The following PCDHGB6 variants were observed in gnomAD, a reference collection of about 807,000 sequenced individuals.
The protein encoded by PCDHGB6 is protocadherin gamma-B6.
In PCDHGB6, 51 loss-of-function variants were observed where a neutral mutation model predicts 59.1. The observed-to-expected ratio is 0.86, with a 90% CI of 0.69 to 1.09. PCDHGB6 has a LOEUF of 1.09. Ranked by LOEUF, PCDHGB6 falls within the 50% of genes least tolerant of loss-of-function variation. The probability of loss-of-function intolerance (pLI) is 0.00; values close to 1 mark genes in which losing one functional copy is unlikely to be tolerated. For missense variants in PCDHGB6, 1,148 were observed against 1,205.1 expected (o/e 0.95, Z 0.70); for synonymous variants, 466 against 495.1 (o/e 0.94, Z 0.78).
intron 1 of PCDHGB6, among the ~76,000 whole-genome samples, chr5:141,433,553 T>C (rs530467777): frequency 1.3e-5 from 2 of 151,614 alleles, no homozygotes; most frequent in African/African-American, 4.8e-5. Flanking sequence ...TATTCTTTTC[T>C]GGCTGGGCGC....
chr5:141,474,557 G>A (rs1261720500), intron 1 of PCDHGB6, among the ~76,000 whole-genome samples: 1 of 152,184 alleles, frequency 6.6e-6, no homozygotes, highest in African/African-American at 2.4e-5. Context: ...AAAACTGGGG[G>A]TTTTCAGAGA....
intron 1 of PCDHGB6, chr5:141,419,102 A>G (rs201327680): frequency 4.5e-5 from 73 of 1,613,748 alleles, no homozygotes; most frequent in Non-Finnish European, 5.9e-5. Flanking sequence ...TCGGGAGCAG[A>G]CCCCAGAGTA....
At chr5:141,413,462 G>A (rs750915907) in intron 1 of PCDHGB6, 4 of 1,614,120 alleles carry the variant, frequency 2.5e-6, no homozygotes, top group East Asian at 2.2e-5. Flanking sequence ...AGGATAGACC[G>A]GGAGGAGCTC....
chr5:141,454,575 T>G (rs1430018751), intron 1 of PCDHGB6, among the ~76,000 whole-genome samples: 1 of 151,400 alleles, frequency 6.6e-6, no homozygotes, highest in African/African-American at 2.4e-5. Context: ...CCCGGCTAAT[T>G]TTGTATTTTT....
chr5:141,495,424 A>C (rs927637242), intron 2 of PCDHGB6, among the ~76,000 whole-genome samples: 1 of 152,088 alleles, frequency 6.6e-6, no homozygotes, highest in African/African-American at 2.4e-5. Context: ...CCCTCCTCCC[A>C]CTGTCCTCTG....
intron 1 of PCDHGB6, chr5:141,417,592 TG>T: frequency 2.1e-6 from 1 of 485,078 alleles, no homozygotes; most frequent in Non-Finnish European, 3.5e-6. Context: ...ACAGAGCCTC[TG>T]GGCGCCGCCG....
intron 1 of PCDHGB6, among the ~76,000 whole-genome samples, chr5:141,463,316 T>A (rs1290852110): frequency 1.3e-5 from 2 of 151,806 alleles, no homozygotes; most frequent in African/African-American, 2.4e-5. Flanking sequence ...TAATATCTAT[T>A]CCTCAACTCA....
rs763035733 is a variant in PCDHGB6, at chr5:141,409,735, C to T, written c.1533C>T (p.Ser511=). The T allele has an allele frequency of 6.2e-7, 1 of 1,613,006 alleles. No homozygotes were observed. The highest frequency in any genetic ancestry group is 1.7e-5 in the Admixed American group (1 of 59,998). The change falls in exon 1 of 4, where the codon AGC becomes AGT. Residue 511 remains serine (S), a synonymous_variant. Coordinates refer to ENST00000520790, the MANE Select transcript of PCDHGB6 (RefSeq NM_018926.3). Reference sequence around the variant, plus strand: ...CATACGTGTCAGTGAGCGCGCAGAGCGGGGTGGTGTTCGCGCAGCGCGCCT... The same window carrying T: ...CATACGTGTCAGTGAGCGCGCAGAGTGGGGTGGTGTTCGCGCAGCGCGCCT... The part of the protein sequence containing the change: ...VSSYVSVSAQ[S]GVVFAQRAFD...
At chr5:141,419,863 G>C in intron 1 of PCDHGB6, 1 of 1,614,108 alleles carries the variant, frequency 6.2e-7, no homozygotes, top group Non-Finnish European at 8.5e-7. Flanking sequence ...CAGATAGCTT[G>C]CAAGAGGTAC....
chr5:141,445,303 G>A (rs145466142), intron 1 of PCDHGB6, among the ~76,000 whole-genome samples: 327 of 152,332 alleles, frequency 2.1e-3, no homozygotes, highest in African/African-American at 7.6e-3. Context: ...ATTCTCTTCA[G>A]TTTGTAGGTT....
intron 1 of PCDHGB6, chr5:141,419,863 G>T (rs1416582920): frequency 6.2e-7 from 1 of 1,614,108 alleles, no homozygotes; most frequent in Non-Finnish European, 8.5e-7. Flanking sequence ...CAGATAGCTT[G>T]CAAGAGGTAC....
Position 141,469,939 on chromosome 5 carries a change from T to G in PCDHGB6, c.2419-24868T>G, listed in dbSNP as rs1376169822. Among the ~76,000 whole-genome samples, 3 of 152,186 alleles carry G rather than the reference T, an allele frequency of 2.0e-5. No individual in the cohort carries two copies. The East Asian group carries it at 5.8e-4, about 29-fold the overall frequency. On this transcript the variant is annotated intron_variant, in intron 1 of 3. Transcript: ENST00000520790. ...CGAGGTCAGGAGTTTGAGACCAGCC[T>G]GGCCAGCATGGTGAAACCCCATCTG...
intron 1 of PCDHGB6, chr5:141,427,758 A>T: frequency 7.4e-7 from 1 of 1,345,378 alleles, no homozygotes; most frequent in Non-Finnish European, 1.1e-6. Context: ...CATCGTTACC[A>T]CTGACTTGGA....
At chr5:141,415,478 GA>G (rs1209443921) in intron 1 of PCDHGB6, 2 of 1,613,964 alleles carry the variant, frequency 1.2e-6, no homozygotes, top group Non-Finnish European at 1.7e-6. Context: ...GCGGACTCGC[GA>G]AAGAGTCACC....
chr5:141,419,605 G>A, intron 1 of PCDHGB6: 1 of 1,611,776 alleles, frequency 6.2e-7, no homozygotes, highest in Non-Finnish European at 8.5e-7. Flanking sequence ...CGCGGGCCGC[G>A]CAGCCAGGCT....
chr5:141,509,830 T>A (rs1328716142), intron 3 of PCDHGB6, among the ~76,000 whole-genome samples: 1 of 152,204 alleles, frequency 6.6e-6, no homozygotes, highest in African/African-American at 2.4e-5. Flanking sequence ...ATCTTCTCTC[T>A]ACCTCCCATT....
chr5:141,410,318 G>A lies in PCDHGB6; in HGVS notation c.2116G>A (p.Ala706Thr). 6.2e-7 allele frequency: 1 copy of A among 1,613,982 alleles called. No homozygotes were observed. Among genetic ancestry groups the A allele is most frequent in the Non-Finnish European group, 8.5e-7 (1 of 1,179,896 alleles). Reference sequence around the variant, plus strand: ...CTTAATCTCAGTGCTCTTCCTCCTCGCCGTGATTCTGGCCATTGCCTTGCG... The same window carrying A: ...CTTAATCTCAGTGCTCTTCCTCCTCACCGTGATTCTGGCCATTGCCTTGCG... ...LALISVLFLL[A>T]VILAIALRLR... Residue 706 changes from alanine to threonine, a missense_variant, in exon 1 of 4, where the codon GCC (alanine) becomes ACC (threonine). Ala to Thr is a moderately conservative substitution (Grantham distance 58, BLOSUM62 0). Around this residue, in one of 5 missense-constraint regions of PCDHGB6, gnomAD observed 283 missense variants for 318.6 expected, o/e 0.89. Transcript: ENST00000520790.
chr5:141,415,747 T>TTTTG, intron 1 of PCDHGB6: 2 of 797,626 alleles, frequency 2.5e-6, no homozygotes, highest in Non-Finnish European at 3.1e-6. Flanking sequence ...AAGGTTTTTT[T>TTTTG]TTTTTTTTTT....
rs73280340 is a variant in PCDHGB6, at chr5:141,473,067, G to A, written c.2419-21740G>A. On this transcript the variant is annotated intron_variant, in intron 1 of 3. Transcript: ENST00000520790. ...GAAAGAAGTGATACAACAAGTTACA[G>A]CATCTTTGTTTATTATCCACTGTGA... Among the ~76,000 whole-genome samples the A allele has an allele frequency of 5.6e-3, 854 of 152,054 alleles. 5 individuals are homozygous for A. The highest frequency in any genetic ancestry group is 0.019 in the African/African-American group (798 of 41,456).
Sources: gnomAD v4.1 joint callset for allele counts (sites outside exome capture counted in the v4.1 genomes callset) on GRCh38, gnomAD v4.1.1 for gene constraint, gnomAD v4.1.1 regional missense constraint, MANE v1.5 for transcripts, NCBI Gene and HGNC (gene_info 2026-07-23, HGNC 2026-07-21) for gene names.